Variants in ARHGEF10 observed in about 807,000 individuals in gnomAD.
ARHGEF10 encodes Rho guanine nucleotide exchange factor 10.
A neutral mutation model predicts 147.4 loss-of-function variants in ARHGEF10; 140 were observed. The ratio of observed to expected loss-of-function variants is 0.95; its 90% CI spans 0.83 to 1.09. ARHGEF10 has a LOEUF of 1.09. ARHGEF10 is among the 50% of genes least tolerant of loss of function. The pLI is 0.00. For synonymous variants in ARHGEF10, 902 were observed against 695.8 expected, an observed-to-expected ratio of 1.30 and a Z score of -4.67; for missense variants, 2,222 against 1,752.7, an observed-to-expected ratio of 1.27 and a Z score of -4.78.
chr8:1,909,460 C>A lies in ARHGEF10; in HGVS notation c.2133C>A (p.Asn711Lys), dbSNP rs577796733. 1.9e-6 allele frequency: 3 copies of A among 1,614,054 alleles called. No homozygotes were observed. The highest frequency in any genetic ancestry group is 2.5e-6 in the Non-Finnish European group (3 of 1,180,036). Residue 711 changes from asparagine to lysine, a missense_variant, in exon 18 of 29, where the codon AAC becomes AAA. By Grantham distance (94) the Asn-to-Lys change is moderately conservative (BLOSUM62 0). Transcript: ENST00000349830. ...CGGAGAGCCTGGCCGTGGTTGCTAA[C>A]GCGAAACCAAGTAAGTGATGCTTTC... ...HPPESLAVVA[N>K]AKPNKVYMGP...
At chr8:1,847,681 A>C (rs1203577612) in intron 2 of ARHGEF10, among the ~76,000 whole-genome samples, 4 of 152,200 alleles carry the variant, frequency 2.6e-5, no homozygotes, top group African/African-American at 9.6e-5. Flanking sequence ...TGACACCCAG[A>C]GCCAAGAAGT....
rs775558900 is a variant in ARHGEF10 at position 1,858,073 on chromosome 8, G to A, written c.151G>A (p.Glu51Lys). 3.1e-6 allele frequency: 5 copies of A among 1,613,616 alleles called. No homozygotes were observed. In the South Asian group the frequency reaches 5.5e-5, roughly 18 times the overall value. Residue 51 changes from glutamate to lysine, a missense_variant, in exon 3 of 29, where the codon GAG becomes AAG. Coordinates refer to ENST00000349830, the MANE Select transcript of ARHGEF10 (RefSeq NM_014629.4). ...EADRQAPSAP[E>K]TGGAGASEAP... The stretch of plus-strand genomic sequence containing the variant: ...GGACAGACAGGCCCCATCCGCCCCT[G>A]AGACAGGAGGTGCTGGAGCCAGTGA...
At chr8:1,918,460 CTGTGTGTGTGTGTGTGTG>C (rs60519090) in intron 18 of ARHGEF10, among the ~76,000 whole-genome samples, 49 of 140,946 alleles carry the variant, frequency 3.5e-4, no homozygotes, top group Middle Eastern at 3.5e-3. Flanking sequence ...CATTTGATGG[CTGTGTGTGTGTGTGTGTG>C]TGTGTGTGTG....
chr8:1,929,534 C>A, intron 25 of ARHGEF10, 91 bp downstream of exon 25: 1 of 1,458,236 alleles, frequency 6.9e-7, no homozygotes, highest in Non-Finnish European at 9.2e-7. Flanking sequence ...CCCCACCGGC[C>A]TCCTGCCTCC....
rs1272625061 is a variant in ARHGEF10 at position 1,905,596 on chromosome 8, T to A, written c.1847T>A (p.Leu616His). The A allele has an allele frequency of 1.2e-6, 2 of 1,614,206 alleles. No homozygotes were observed. The highest frequency in any genetic ancestry group is 1.7e-6 in the Non-Finnish European group (2 of 1,180,042). ...NKLLSSGSRY[L>H]IRSDDMIETV... is the part of the protein sequence containing the mutation. Reference sequence around the variant, plus strand: ...CTTCTCAGCAGTGGAAGCCGATACCTCATTCGATCAGATGATATGATAGAA... The same window carrying A: ...CTTCTCAGCAGTGGAAGCCGATACCACATTCGATCAGATGATATGATAGAA... The change falls in exon 17 of 29, where the codon CTC (leucine) becomes CAC (histidine). Residue 616 changes from leucine to histidine, a missense_variant. By Grantham distance (99) the Leu-to-His change is moderately conservative. Coordinates refer to ENST00000349830, the MANE Select transcript of ARHGEF10 (RefSeq NM_014629.4).
At chr8:1,826,371 CAT>C (rs2129029116) in intron 1 of ARHGEF10, among the ~76,000 whole-genome samples, 1 of 151,706 alleles carries the variant, frequency 6.6e-6, no homozygotes, top group East Asian at 1.9e-4. Context: ...TGTTTGTATG[CAT>C]GTGTGTGCGT....
At chr8:1,925,249 A>G in intron 21 of ARHGEF10, 34 bp from the exon 22 acceptor site, 1 of 1,613,992 alleles carries the variant, frequency 6.2e-7, no homozygotes, top group Admixed American at 1.7e-5. Flanking sequence ...AGTTAACTGC[A>G]TTCTTGCTCA....
chr8:1,902,516 AC>A (rs1810548684), intron 15 of ARHGEF10, among the ~76,000 whole-genome samples: 1 of 151,984 alleles, frequency 6.6e-6, no homozygotes, highest in African/African-American at 2.4e-5. Flanking sequence ...TTTAAAGACT[AC>A]TTTTTAAGAG....
intron 1 of ARHGEF10, among the ~76,000 whole-genome samples, chr8:1,832,123 G>A (rs1353550102): frequency 1.3e-5 from 2 of 152,180 alleles, no homozygotes; most frequent in African/African-American, 2.4e-5. Flanking sequence ...CTGTGGCCCC[G>A]CTCTGCTGGT....
intron 1 of ARHGEF10, among the ~76,000 whole-genome samples, chr8:1,832,609 CAGAGACAGAGGCAGAG>C (rs1329864321): frequency 0.019 from 1,631 of 86,650 alleles, 217 homozygotes; most frequent in African/African-American, 0.075. Flanking sequence ...CAGGCAGAGG[CAGAGACAGAGGCAGAG>C]AGAGACAGAG....
intron 25 of ARHGEF10, among the ~76,000 whole-genome samples, chr8:1,933,081 C>T (rs73671060): frequency 0.039 from 5,892 of 152,154 alleles, 230 homozygotes; most frequent in African/African-American, 0.1. Flanking sequence ...GTGTGAAAGA[C>T]CTTGTCAGTA....
chr8:1,836,639 G>A (rs182838449), intron 1 of ARHGEF10, among the ~76,000 whole-genome samples: 1 of 152,318 alleles, frequency 6.6e-6, no homozygotes, highest in East Asian at 1.9e-4. Context: ...AGAAGCGCAT[G>A]CTGCCGTGGG....
rs999402122 is a variant in ARHGEF10, at chr8:1,891,963, A to G, written c.1183-1606A>G. On this transcript the variant is annotated intron_variant, in intron 11 of 28. Coordinates refer to ENST00000349830, the MANE Select transcript of ARHGEF10 (RefSeq NM_014629.4). ...ATACATACATAATATATATACACAT[A>G]TAAATAATACATATACATAATATAG... Among the ~76,000 whole-genome samples the G allele has an allele frequency of 2.0e-5, 3 of 149,388 alleles. No individual in the cohort carries two copies. The East Asian group carries it at 5.8e-4, about 29-fold the overall frequency.
At chr8:1,913,311 T>C (rs901003323) in intron 18 of ARHGEF10, among the ~76,000 whole-genome samples, 70 of 152,304 alleles carry the variant, frequency 4.6e-4, no homozygotes, top group African/African-American at 1.6e-3. Context: ...TGTGTGTGTG[T>C]GTGCACTTTT....
Position 1,836,125 on chromosome 8 carries a change from G to A in ARHGEF10, c.-47-7228G>A, listed in dbSNP as rs530488500. 1.8e-3 allele frequency among the ~76,000 whole-genome samples: 279 copies of A among 151,702 alleles called. 2 individuals are homozygous for A. Among genetic ancestry groups the A allele is most frequent in the African/African-American group, 6.6e-3 (273 of 41,356 alleles). ...GAACCCGGGAGGCAGAGCTTGCAGT[G>A]AGCCGAGATTGTGCTACTGCATTCC... On this transcript the variant is annotated intron_variant, in intron 1 of 28. Transcript: ENST00000349830.
At position 1,933,935 on chromosome 8, in the gene ARHGEF10, C is replaced by T; in HGVS notation, c.3215C>T (p.Ala1072Val). The T allele has an allele frequency of 9.3e-6, 15 of 1,614,152 alleles. No homozygotes were observed. The highest frequency in any genetic ancestry group is 1.2e-5 in the Non-Finnish European group (14 of 1,180,028). Residue 1072 changes from alanine (A) to valine (V), a missense_variant, in exon 26 of 29, where the codon GCT becomes GTT. By Grantham distance (64) the Ala-to-Val change is moderately conservative. Coordinates refer to ENST00000349830, the MANE Select transcript of ARHGEF10 (RefSeq NM_014629.4). ...QVFIISVETHAVEGQLEAHQE... is the reference protein window; with the variant it reads ...QVFIISVETHVVEGQLEAHQE... The stretch of plus-strand genomic sequence containing the variant: ...TTCATCATCAGTGTGGAGACTCATG[C>T]TGTAGAGGTAAGTCACTTAGGTGGC...
At chr8:1,903,702 G>A in intron 16 of ARHGEF10, 1 of 569,666 alleles carries the variant, frequency 1.8e-6, no homozygotes, top group Non-Finnish European at 3.1e-6. Context: ...ACCCTCAAAT[G>A]GATCCAGGAC....
chr8:1,894,802 G>T (rs6558561), intron 13 of ARHGEF10, among the ~76,000 whole-genome samples: 1 of 152,082 alleles, frequency 6.6e-6, no homozygotes, highest in Non-Finnish European at 1.5e-5. Context: ...ACACTGGACA[G>T]AAGCTGTATC....
intron 11 of ARHGEF10, among the ~76,000 whole-genome samples, chr8:1,892,666 G>A (rs532161335): frequency 3.0e-4 from 44 of 145,016 alleles, no homozygotes; most frequent in African/African-American, 1.0e-3. Flanking sequence ...GCTTCCGTGC[G>A]CGCACGTGTG....
Sources: allele counts gnomAD v4.1 joint callset (sites outside exome capture counted in the v4.1 genomes callset), GRCh38; gene constraint gnomAD v4.1.1; transcripts MANE v1.5; gene names NCBI Gene and HGNC (gene_info 2026-07-23, HGNC 2026-07-21).